MRPL48: variants seen among roughly 807,000 people sequenced by gnomAD.
MRPL48 encodes large ribosomal subunit protein mL48.
A neutral mutation model predicts 32.9 loss-of-function variants in MRPL48; 16 were observed. The observed-to-expected ratio is 0.49, with a 90% CI of 0.33 to 0.74. MRPL48 has a LOEUF of 0.74. Among genes scored for constraint, MRPL48 ranks in the 30% least tolerant of loss-of-function variants. MRPL48 has a pLI of 0.02. For synonymous variants in MRPL48, 94 were observed against 89.2 expected (o/e 1.05, Z -0.31); for missense variants, 206 against 245.3 (o/e 0.84, Z 1.07).
rs181031079 is a variant in MRPL48, at chr11:73,794,481, G to A, written c.21+6489G>A. On this transcript the variant is annotated intron_variant, in intron 1 of 7. Coordinates refer to ENST00000310614, the MANE Select transcript of MRPL48 (RefSeq NM_016055.6). ...GAGGCAGGAGAATCACTTGAATGTG[G>A]GAGGAGGAAGTTGCAGTGAGCCGAG... 2.8e-3 allele frequency among the ~76,000 whole-genome samples: 428 copies of A among 151,502 alleles called. 5 individuals carry two copies. Among genetic ancestry groups the A allele is most frequent in the Non-Finnish European group, 1.5e-3 (101 of 67,872 alleles).
chr11:73,821,926 C>T (rs1006429578), intron 3 of MRPL48, among the ~76,000 whole-genome samples: 16 of 152,118 alleles, frequency 1.1e-4, no homozygotes, highest in African/African-American at 3.6e-4. Context: ...GATGATCATA[C>T]TTTGGAGAGT....
chr11:73,857,640 G>T, intron 5 of MRPL48, among the ~76,000 whole-genome samples: 1 of 145,412 alleles, frequency 6.9e-6, no homozygotes. Context: ...TGTCGCCCAG[G>T]CTGGAGTACA....
chr11:73,798,169 C>T (rs1217513863), intron 1 of MRPL48, among the ~76,000 whole-genome samples: 2 of 152,138 alleles, frequency 1.3e-5, no homozygotes, highest in African/African-American at 4.8e-5. Context: ...CCTCCACCTC[C>T]TGGGTTCAAG....
At chr11:73,844,579 G>A (rs1948251700) in intron 4 of MRPL48, among the ~76,000 whole-genome samples, 2 of 152,180 alleles carry the variant, frequency 1.3e-5, no homozygotes, top group African/African-American at 2.4e-5. Flanking sequence ...ATGTATTCAA[G>A]TAATGACAGC....
At chr11:73,788,078 GT>G in intron 1 of MRPL48, 86 bp downstream of exon 1, 1 of 1,243,866 alleles carries the variant, frequency 8.0e-7, no homozygotes, top group Non-Finnish European at 1.1e-6. Context: ...GAGCGGGGAG[GT>G]GGCGGCGCGC....
chr11:73,844,294 G>A (rs535402775), intron 4 of MRPL48, among the ~76,000 whole-genome samples: 1 of 152,096 alleles, frequency 6.6e-6, no homozygotes, highest in Non-Finnish European at 1.5e-5. Flanking sequence ...AGCCAGGTGT[G>A]GTGGGGTGCG....
intron 5 of MRPL48, among the ~76,000 whole-genome samples, chr11:73,846,950 G>A (rs919945834): frequency 1.3e-5 from 2 of 150,750 alleles, no homozygotes; most frequent in African/African-American, 4.9e-5. Flanking sequence ...TCACTTTGTT[G>A]CCCAGGCTTC....
At chr11:73,832,674 A>C (rs1948017931) in intron 4 of MRPL48, 5 of 154,076 alleles carry the variant, frequency 3.2e-5, no homozygotes. Context: ...TGTTGCAGCC[A>C]GATCGCCCTC....
rs368260642 is a variant in MRPL48 at position 73,847,286 on chromosome 11, A to G, written c.371+2310A>G. On this transcript the variant is annotated intron_variant, in intron 5 of 7. Coordinates refer to ENST00000310614, the MANE Select transcript of MRPL48 (RefSeq NM_016055.6). The stretch of plus-strand genomic sequence containing the variant: ...TCATAGTGGTGTTAATTTGCACTTC[A>G]CTAATAAATAATGATATTGAGCATC... 1.8e-4 allele frequency among the ~76,000 whole-genome samples: 27 copies of G among 152,206 alleles called. No homozygotes were observed. The South Asian group carries it at 4.8e-3, about 27-fold the overall frequency.
intron 5 of MRPL48, among the ~76,000 whole-genome samples, chr11:73,849,570 T>C (rs1348207875): frequency 6.6e-6 from 1 of 152,280 alleles, no homozygotes; most frequent in Non-Finnish European, 1.5e-5. Flanking sequence ...TCTATGTTGT[T>C]GCCTGCAAGT....
chr11:73,806,138 T>G (rs1009160002), intron 2 of MRPL48, among the ~76,000 whole-genome samples: 4 of 152,262 alleles, frequency 2.6e-5, no homozygotes, highest in African/African-American at 9.6e-5. Flanking sequence ...CCTAACATTA[T>G]GAACATAAGA....
chr11:73,805,122 C>A, intron 2 of MRPL48, 43 bp downstream of exon 2: 1 of 1,495,156 alleles, frequency 6.7e-7, no homozygotes, highest in Non-Finnish European at 9.1e-7. Context: ...GTAACATTTG[C>A]CTTTGGCTTC....
At chr11:73,861,252 T>C (rs1385232006) in intron 6 of MRPL48, among the ~76,000 whole-genome samples, 17 of 152,230 alleles carry the variant, frequency 1.1e-4, no homozygotes, top group Admixed American at 1.1e-3. Flanking sequence ...CAGAAGCCCA[T>C]AGAATAGTTT....
chr11:73,836,283 C>T (rs376731206), intron 4 of MRPL48, among the ~76,000 whole-genome samples: 5 of 152,054 alleles, frequency 3.3e-5, no homozygotes, highest in African/African-American at 1.2e-4. Flanking sequence ...CAACCTCCAC[C>T]TCCTGGGTTC....
chr11:73,806,120 T>A (rs528949686), intron 2 of MRPL48, among the ~76,000 whole-genome samples: 14 of 152,096 alleles, frequency 9.2e-5, no homozygotes, highest in South Asian at 8.3e-4. Context: ...TTTTTTTTTT[T>A]AAAGAGACCT....
intron 3 of MRPL48, 127 bp from the exon 4 acceptor site, chr11:73,825,581 A>T: frequency 1.3e-6 from 1 of 768,394 alleles, no homozygotes; most frequent in East Asian, 3.0e-5. Context: ...CAGAAGTTCG[A>T]GGCTTCAATG....
intron 1 of MRPL48, among the ~76,000 whole-genome samples, chr11:73,796,299 C>T (rs572426921): frequency 4.3e-4 from 65 of 152,376 alleles, no homozygotes; most frequent in Non-Finnish European, 7.8e-4. Context: ...CCCTCGCAGG[C>T]TCAGAGGTGT....
intron 5 of MRPL48, among the ~76,000 whole-genome samples, chr11:73,849,428 C>T (rs563263242): frequency 3.3e-5 from 5 of 152,306 alleles, no homozygotes; most frequent in East Asian, 3.9e-4. Context: ...TGAGCCACTG[C>T]GCCCCGTGGC....
At chr11:73,799,337 G>A (rs1028367013) in intron 1 of MRPL48, among the ~76,000 whole-genome samples, 1 of 152,140 alleles carries the variant, frequency 6.6e-6, no homozygotes, top group African/African-American at 2.4e-5. Flanking sequence ...GGGTGACAGA[G>A]CAAGACCTTG....
Sources: gnomAD v4.1 joint callset for allele counts (sites outside exome capture counted in the v4.1 genomes callset) on GRCh38, gnomAD v4.1.1 for gene constraint, MANE v1.5 for transcripts, NCBI Gene and HGNC (gene_info 2026-07-23, HGNC 2026-07-21) for gene names.